The following LRFN2 variants were observed in gnomAD, a reference collection of about 807,000 sequenced individuals.
LRFN2 encodes leucine-rich repeat and fibronectin type-III domain-containing protein 2.
A neutral mutation model predicts 37.3 loss-of-function variants in LRFN2; 18 were observed. That is an observed-to-expected ratio of 0.48 (90% confidence interval 0.33 to 0.72). LRFN2 has a LOEUF of 0.72. Among genes scored for constraint, LRFN2 ranks in the 30% least tolerant of loss-of-function variants. The probability of loss-of-function intolerance (pLI) is 0.02; values close to 1 mark genes in which losing one functional copy is unlikely to be tolerated. For synonymous variants in LRFN2, 556 were observed against 466.6 expected (o/e 1.19, Z -2.47); for missense variants, 1,006 against 1,060.7 (o/e 0.95, Z 0.72).
At chr6:40,433,181 A>G in intron 1 of LRFN2, 50 bp from the exon 2 acceptor site, 1 of 1,446,106 alleles carries the variant, frequency 6.9e-7, no homozygotes, top group Non-Finnish European at 9.2e-7. Flanking sequence ...TTCCTAATGC[A>G]CTCACCCAGA....
chr6:40,578,753 T>A (rs1230564285), intron 1 of LRFN2, among the ~76,000 whole-genome samples: 1 of 152,216 alleles, frequency 6.6e-6, no homozygotes, highest in Non-Finnish European at 1.5e-5. Context: ...TAGTAGTTCA[T>A]TTAATTTTCC....
At chr6:40,570,549 T>C (rs998171928) in intron 1 of LRFN2, among the ~76,000 whole-genome samples, 1 of 152,172 alleles carries the variant, frequency 6.6e-6, no homozygotes, top group Non-Finnish European at 1.5e-5. Flanking sequence ...TCCCCATTCC[T>C]GCCCCACATT....
At chr6:40,528,937 T>C (rs897873090) in intron 1 of LRFN2, among the ~76,000 whole-genome samples, 2 of 152,162 alleles carry the variant, frequency 1.3e-5, no homozygotes, top group Non-Finnish European at 2.9e-5. Context: ...GGACACATTC[T>C]GGGCTCAGTT....
chr6:40,488,660 A>G (rs1020814194), intron 1 of LRFN2, among the ~76,000 whole-genome samples: 2 of 152,182 alleles, frequency 1.3e-5, no homozygotes, highest in African/African-American at 4.8e-5. Context: ...CTCAGCTTCA[A>G]CATCTCCTCC....
chr6:40,487,232 C>A (rs529496992), intron 1 of LRFN2, among the ~76,000 whole-genome samples: 2 of 152,292 alleles, frequency 1.3e-5, no homozygotes, highest in African/African-American at 4.8e-5. Context: ...GCTTCTGGCC[C>A]TTCTTGGCCT....
intron 1 of LRFN2, among the ~76,000 whole-genome samples, chr6:40,510,922 G>A (rs865831819): frequency 6.6e-6 from 1 of 152,156 alleles, no homozygotes; most frequent in Non-Finnish European, 1.5e-5. Flanking sequence ...GGAGGGGTGG[G>A]GGCACTAGAG....
intron 1 of LRFN2, among the ~76,000 whole-genome samples, chr6:40,468,582 C>T (rs535719455): frequency 4.0e-5 from 6 of 151,896 alleles, no homozygotes; most frequent in Non-Finnish European, 8.8e-5. Flanking sequence ...TTATGTGAAG[C>T]GCAAAGAGTA....
chr6:40,528,474 C>T (rs974376972), intron 1 of LRFN2, among the ~76,000 whole-genome samples: 1 of 152,196 alleles, frequency 6.6e-6, no homozygotes, highest in African/African-American at 2.4e-5. Flanking sequence ...CCTGCCCTGC[C>T]ACGGCTGTCC....
At chr6:40,418,304 T>C in intron 2 of LRFN2, among the ~76,000 whole-genome samples, 1 of 152,166 alleles carries the variant, frequency 6.6e-6, no homozygotes, top group East Asian at 1.9e-4. Context: ...ACCACCCATA[T>C]AAAACTGTAG....
chr6:40,518,778 C>T (rs899090063), intron 1 of LRFN2, among the ~76,000 whole-genome samples: 6 of 152,180 alleles, frequency 3.9e-5, no homozygotes, highest in African/African-American at 1.4e-4. Flanking sequence ...ATGAACAGGA[C>T]ATGGCTTCTG....
chr6:40,423,185 T>C (rs1561847802), intron 2 of LRFN2, among the ~76,000 whole-genome samples: 1 of 152,210 alleles, frequency 6.6e-6, no homozygotes, highest in Non-Finnish European at 1.5e-5. Flanking sequence ...ATTCACTCCT[T>C]TGGGTCTTTC....
At chr6:40,442,015 C>G (rs1286305499) in intron 1 of LRFN2, among the ~76,000 whole-genome samples, 3 of 152,154 alleles carry the variant, frequency 2.0e-5, no homozygotes, top group Non-Finnish European at 4.4e-5. Flanking sequence ...AAGGACTTCC[C>G]CAGCAGATCC....
rs537437565 is a variant in LRFN2 at position 40,453,554 on chromosome 6, A to ACACACC, written c.-18-20424_-18-20423insGGTGTG. Among the ~76,000 whole-genome samples the ACACACC allele has an allele frequency of 7.4e-3, 956 of 128,426 alleles. 28 individuals are homozygous for ACACACC. The highest frequency in any genetic ancestry group is 0.024 in the South Asian group (96 of 4,022). The allele number at this position is 128,426 out of a possible 152,430, so 84.3% of individuals were successfully genotyped here. A position where few individuals can be genotyped will look rare whatever the true frequency, so the allele number is the denominator to read the frequency against. ...CACACACACACACACACACACACAC[A>ACACACC]CCTCCCTTTGAGTTGACTTTGCAAA... On this transcript the variant is annotated intron_variant, in intron 1 of 2. Coordinates refer to ENST00000338305, the MANE Select transcript of LRFN2 (RefSeq NM_020737.3).
At chr6:40,507,303 A>G (rs1301111965) in intron 1 of LRFN2, among the ~76,000 whole-genome samples, 1 of 151,984 alleles carries the variant, frequency 6.6e-6, no homozygotes, top group African/African-American at 2.4e-5. Context: ...GATTTTTTTT[A>G]CCTGTCTTCT....
At chr6:40,533,903 G>A (rs1766399413) in intron 1 of LRFN2, among the ~76,000 whole-genome samples, 1 of 152,196 alleles carries the variant, frequency 6.6e-6, no homozygotes. Flanking sequence ...ATACCACACT[G>A]GCGTGATGAA....
intron 1 of LRFN2, among the ~76,000 whole-genome samples, chr6:40,570,328 G>A (rs1176647526): frequency 1.3e-5 from 2 of 152,160 alleles, no homozygotes; most frequent in Non-Finnish European, 2.9e-5. Context: ...ACTGTTCTAA[G>A]TGCTTTACAT....
At chr6:40,516,719 C>T (rs1484170801) in intron 1 of LRFN2, among the ~76,000 whole-genome samples, 1 of 152,220 alleles carries the variant, frequency 6.6e-6, no homozygotes, top group African/African-American at 2.4e-5. Context: ...GCACTGTTCC[C>T]ACTCAAGTCT....
chr6:40,441,690 G>T (rs1428044508), intron 1 of LRFN2, among the ~76,000 whole-genome samples: 1 of 152,140 alleles, frequency 6.6e-6, no homozygotes, highest in African/African-American at 2.4e-5. Flanking sequence ...ACCTTGGGCT[G>T]CTCCTCCTCT....
chr6:40,418,681 G>A (rs1048103142), intron 2 of LRFN2, among the ~76,000 whole-genome samples: 6 of 152,140 alleles, frequency 3.9e-5, no homozygotes, highest in Admixed American at 6.5e-5. Context: ...AAGCTCCCCT[G>A]CCTCCAAGCT....
Sources: allele counts gnomAD v4.1 joint callset (sites outside exome capture counted in the v4.1 genomes callset), GRCh38; gene constraint gnomAD v4.1.1; transcripts MANE v1.5; gene names NCBI Gene and HGNC (gene_info 2026-07-23, HGNC 2026-07-21).